Variants in SNAPC3 observed in about 807,000 individuals in gnomAD.
SNAPC3 encodes small nuclear RNA activating complex polypeptide 3.
Under a neutral mutation model 47.7 loss-of-function variants are expected in SNAPC3, and 56 were observed. That is an observed-to-expected ratio of 1.18 (90% CI 0.95 to 1.47). The LOEUF (loss-of-function observed/expected upper bound fraction) is 1.47, where lower values mean the gene tolerates loss of function less well. Among genes scored for constraint, SNAPC3 ranks in the 40% most tolerant of loss-of-function variants. The pLI, the probability that SNAPC3 is intolerant of heterozygous loss-of-function variation, is 0.00. For missense variants in SNAPC3, 665 were observed against 511.3 expected (o/e 1.30, Z -2.90); for synonymous variants, 235 against 189.9 (o/e 1.24, Z -1.95).
chr9:15,423,634 C>T (rs2030905507), intron 1 of SNAPC3, among the ~76,000 whole-genome samples: 1 of 152,174 alleles, frequency 6.6e-6, no homozygotes, highest in Non-Finnish European at 1.5e-5. Flanking sequence ...TATTCTGTTA[C>T]TGAAATATTT....
intron 1 of SNAPC3, among the ~76,000 whole-genome samples, chr9:15,423,632 T>A (rs1160398001): frequency 6.6e-6 from 1 of 152,198 alleles, no homozygotes; most frequent in Non-Finnish European, 1.5e-5. Context: ...GGTATTCTGT[T>A]ACTGAAATAT....
At chr9:15,423,335 C>A in intron 1 of SNAPC3, 142 bp downstream of exon 1, 1 of 823,350 alleles carries the variant, frequency 1.2e-6, no homozygotes, top group Non-Finnish European at 1.8e-6. Flanking sequence ...AGCTTTCAAC[C>A]CGCTGGAGCC....
intron 2 of SNAPC3, among the ~76,000 whole-genome samples, chr9:15,428,508 CAA>C (rs397952770): frequency 1.5e-4 from 19 of 129,204 alleles, no homozygotes; most frequent in Admixed American, 3.8e-4. Context: ...GACTCTGTCT[CAA>C]AAAAAAAAAA....
chr9:15,454,244 GA>G (rs1041343609), intron 7 of SNAPC3, among the ~76,000 whole-genome samples: 1 of 148,188 alleles, frequency 6.7e-6, no homozygotes, highest in African/African-American at 2.5e-5. Flanking sequence ...AAAAAAAAAA[GA>G]AAAAAAGAAA....
At chr9:15,433,370 C>G (rs1189532679) in intron 2 of SNAPC3, among the ~76,000 whole-genome samples, 182 bp from the exon 3 acceptor site, 1 of 151,976 alleles carries the variant, frequency 6.6e-6, no homozygotes, top group Non-Finnish European at 1.5e-5. Context: ...TCTTAATTGT[C>G]TCATGATCAA....
downstream of SNAPC3, chr9:15,461,871 A>C (rs1368960650): frequency 6.6e-6 from 1 of 152,228 alleles, no homozygotes; most frequent in Non-Finnish European, 1.5e-5. Flanking sequence ...AGAACTTAAG[A>C]GGCTGGCTTA....
At chr9:15,457,690 A>AG (rs953575375) in intron 7 of SNAPC3, among the ~76,000 whole-genome samples, 1 of 152,182 alleles carries the variant, frequency 6.6e-6, no homozygotes, top group African/African-American at 2.4e-5. Context: ...CTCCCTCTTA[A>AG]GGGGGGATCA....
chr9:15,449,779 C>G (rs2034258715), intron 5 of SNAPC3, among the ~76,000 whole-genome samples: 1 of 151,572 alleles, frequency 6.6e-6, no homozygotes, highest in Non-Finnish European at 1.5e-5. Flanking sequence ...CCATGTTGGT[C>G]AGGCTGGTCT....
At chr9:15,449,342 C>G (rs547418399) in intron 5 of SNAPC3, among the ~76,000 whole-genome samples, 3 of 151,890 alleles carry the variant, frequency 2.0e-5, no homozygotes, top group Non-Finnish European at 2.9e-5. Flanking sequence ...GTTTTTTAAT[C>G]AAGTCCAGTC....
rs373492228 is a variant in SNAPC3, at chr9:15,425,411, G to C, written c.392+1425G>C. ...TTTTTTGCATTTTTTGTAGAGACGG[G>C]TTTCACCATGTTGGCCAGGCTGGTT... On this transcript the variant is annotated intron_variant, in intron 2 of 8. Coordinates refer to ENST00000380821, the MANE Select transcript of SNAPC3 (RefSeq NM_001039697.2). Among the ~76,000 whole-genome samples the C allele has an allele frequency of 2.6e-5, 4 of 152,138 alleles. No homozygotes were observed. The East Asian group carries it at 5.8e-4, about 22-fold the overall frequency.
intron 2 of SNAPC3, among the ~76,000 whole-genome samples, chr9:15,430,957 T>C (rs569042724): frequency 6.6e-6 from 1 of 152,346 alleles, no homozygotes; most frequent in Non-Finnish European, 1.5e-5. Flanking sequence ...TCTGTAAAAA[T>C]GGACCTTGGC....
chr9:15,447,711 AG>A (rs2034056467), intron 5 of SNAPC3, among the ~76,000 whole-genome samples: 1 of 152,086 alleles, frequency 6.6e-6, no homozygotes, highest in Non-Finnish European at 1.5e-5. Flanking sequence ...GCTCTGTCAG[AG>A]TTGTGATCTG....
At chr9:15,461,978 A>G (rs2035253408), downstream of SNAPC3, 1 of 152,202 alleles carries the variant, frequency 6.6e-6, no homozygotes, top group South Asian at 2.1e-4. Flanking sequence ...TAAATGAATG[A>G]TTTACCCAAC....
chr9:15,443,894 C>T (rs1452461365), intron 3 of SNAPC3, among the ~76,000 whole-genome samples: 3 of 152,158 alleles, frequency 2.0e-5, no homozygotes, highest in African/African-American at 7.2e-5. Context: ...TCAAACACTC[C>T]CCTGATTGTT....
intron 2 of SNAPC3, among the ~76,000 whole-genome samples, chr9:15,427,881 A>G (rs913328452): frequency 6.6e-6 from 1 of 152,194 alleles, no homozygotes; most frequent in East Asian, 1.9e-4. Context: ...AAACTTAAAC[A>G]GGGTGGAGTG....
intron 3 of SNAPC3, among the ~76,000 whole-genome samples, chr9:15,434,770 T>G (rs762172233): frequency 5.4e-4 from 82 of 152,212 alleles, no homozygotes; most frequent in Non-Finnish European, 1.8e-4. Flanking sequence ...GTATTAGAAC[T>G]TCCTTCCTTT....
intron 3 of SNAPC3, among the ~76,000 whole-genome samples, chr9:15,443,433 T>C (rs1418044212): frequency 1.3e-5 from 2 of 152,150 alleles, no homozygotes; most frequent in Non-Finnish European, 2.9e-5. Context: ...GTATATTTTC[T>C]CTTGTGCATG....
intron 3 of SNAPC3, among the ~76,000 whole-genome samples, chr9:15,435,369 TC>T (rs376432413): frequency 8.5e-5 from 13 of 152,244 alleles, no homozygotes; most frequent in Non-Finnish European, 8.8e-5. Context: ...GGTCAGGAGT[TC>T]CAGACCAGCC....
intron 2 of SNAPC3, among the ~76,000 whole-genome samples, chr9:15,426,736 C>T (rs186608423): frequency 6.6e-6 from 1 of 152,278 alleles, no homozygotes; most frequent in African/African-American, 2.4e-5. Flanking sequence ...TTTCCCTTGA[C>T]TACTTTGCAC....
Sources: allele counts gnomAD v4.1 joint callset (sites outside exome capture counted in the v4.1 genomes callset), GRCh38; gene constraint gnomAD v4.1.1; transcripts MANE v1.5; gene names NCBI Gene and HGNC (gene_info 2026-07-23, HGNC 2026-07-21).